DHRS3: variants seen among roughly 807,000 people sequenced by gnomAD.
The protein encoded by DHRS3 is dehydrogenase/reductase 3.
DHRS3 carries 14 observed loss-of-function variants against 27.2 expected under a neutral mutation model. The observed-to-expected ratio is 0.52, with a 90% confidence interval of 0.34 to 0.81. DHRS3 has a LOEUF of 0.81. DHRS3 is among the 30% of genes least tolerant of loss of function. The pLI is 0.01. For synonymous variants in DHRS3, 165 were observed against 175.9 expected (o/e 0.94, Z 0.49); for missense variants, 322 against 406.2 (o/e 0.79, Z 1.78).
chr1:12,569,223 T>TCACACACA (rs779404982), intron 5 of DHRS3, among the ~76,000 whole-genome samples: 2 of 120,182 alleles, frequency 1.7e-5, no homozygotes, highest in African/African-American at 7.7e-5. Context: ...GTCCCCTCTC[T>TCACACACA]CTCTCTCTCA....
chr1:12,602,866 C>T (rs749853542), intron 1 of DHRS3, among the ~76,000 whole-genome samples: 20 of 152,244 alleles, frequency 1.3e-4, no homozygotes, highest in Non-Finnish European at 2.5e-4. Flanking sequence ...GTGCTCTGGC[C>T]GGAGCCGGCC....
intron 1 of DHRS3, among the ~76,000 whole-genome samples, chr1:12,582,166 T>A (rs1646650162): frequency 6.6e-6 from 1 of 152,192 alleles, no homozygotes; most frequent in African/African-American, 2.4e-5. Flanking sequence ...TAGAGAAAAG[T>A]CACATTGATA....
rs552347372 is a variant in DHRS3 at position 12,610,346 on chromosome 1, C to T, written c.195+6808G>A. 2.6e-5 allele frequency among the ~76,000 whole-genome samples: 4 copies of T among 152,012 alleles called. No homozygotes were observed. In the South Asian group the frequency reaches 8.3e-4, roughly 32 times the overall value. On this transcript the variant is annotated intron_variant, in intron 1 of 5. Transcript: ENST00000616661. ...ACCTCAAGTGTTCCGCCTGCCTTAG[C>T]CTCCTAAAGTGCTGGGATTACAGGC...
At chr1:12,616,758 C>T (rs1049759457) in intron 1 of DHRS3, 8 of 1,023,440 alleles carry the variant, frequency 7.8e-6, no homozygotes, top group Non-Finnish European at 9.4e-6. Context: ...TAGCAGGCGG[C>T]TCCCAGCTCT....
intron 1 of DHRS3, among the ~76,000 whole-genome samples, chr1:12,588,812 G>A (rs968320021): frequency 1.3e-5 from 2 of 152,204 alleles, no homozygotes; most frequent in African/African-American, 2.4e-5. Context: ...GTGGTCTCTG[G>A]GTGCGTCCCA....
At chr1:12,585,040 T>C (rs1000305422) in intron 1 of DHRS3, among the ~76,000 whole-genome samples, 3 of 151,400 alleles carry the variant, frequency 2.0e-5, no homozygotes, top group Non-Finnish European at 4.4e-5. Flanking sequence ...TCTCTGTGTG[T>C]CTGAGTGTGT....
intron 1 of DHRS3, among the ~76,000 whole-genome samples, chr1:12,606,541 G>A (rs931136120): frequency 6.6e-6 from 1 of 152,084 alleles, no homozygotes; most frequent in African/African-American, 2.4e-5. Context: ...CCAGGCTGGA[G>A]TGCAATGACG....
intron 1 of DHRS3, among the ~76,000 whole-genome samples, chr1:12,582,592 C>T (rs1296146325): frequency 6.6e-6 from 1 of 152,110 alleles, no homozygotes; most frequent in African/African-American, 2.4e-5. Context: ...AGGTTCAGTT[C>T]ATGGAAAAGA....
chr1:12,611,901 A>G (rs552319284), intron 1 of DHRS3, among the ~76,000 whole-genome samples: 6 of 139,344 alleles, frequency 4.3e-5, no homozygotes, highest in African/African-American at 1.6e-4. Flanking sequence ...AGACTAACCT[A>G]AGCAACATAG....
chr1:12,615,160 CA>C (rs1646936273), intron 1 of DHRS3, among the ~76,000 whole-genome samples: 1 of 36,088 alleles, frequency 2.8e-5, no homozygotes, highest in Non-Finnish European at 6.2e-5. Flanking sequence ...AAAGTAGCTC[CA>C]GAAGCCTCAT....
intron 1 of DHRS3, among the ~76,000 whole-genome samples, chr1:12,612,363 T>C (rs1005495911): frequency 6.6e-6 from 1 of 152,160 alleles, no homozygotes; most frequent in African/African-American, 2.4e-5. Context: ...GAGTCTGAGG[T>C]GTAAACTCCC....
chr1:12,585,455 T>C (rs1646689233), intron 1 of DHRS3, among the ~76,000 whole-genome samples: 1 of 152,174 alleles, frequency 6.6e-6, no homozygotes, highest in Non-Finnish European at 1.5e-5. Context: ...AGGTCCTTGG[T>C]GGATGCTGGG....
At chr1:12,573,427 G>T (rs1046544717) in intron 4 of DHRS3, among the ~76,000 whole-genome samples, 6 of 152,206 alleles carry the variant, frequency 3.9e-5, no homozygotes, top group Non-Finnish European at 8.8e-5. Context: ...CCTTGTCAGT[G>T]GCCTGTCTCC....
chr1:12,614,526 AC>A (rs1334495095), intron 1 of DHRS3, among the ~76,000 whole-genome samples: 4 of 147,104 alleles, frequency 2.7e-5, no homozygotes, highest in Non-Finnish European at 6.1e-5. Context: ...AAAAAAAAAA[AC>A]CCTCGCTTAT....
At chr1:12,577,205 G>A (rs1646597079) in intron 4 of DHRS3, among the ~76,000 whole-genome samples, 1 of 152,064 alleles carries the variant, frequency 6.6e-6, no homozygotes, top group South Asian at 2.1e-4. Flanking sequence ...GTAATTCCCG[G>A]TTTTCATTCA....
intron 1 of DHRS3, among the ~76,000 whole-genome samples, chr1:12,615,414 A>T (rs1646938340): frequency 6.6e-6 from 1 of 152,168 alleles, no homozygotes; most frequent in African/African-American, 2.4e-5. Flanking sequence ...GTCCAGTCCA[A>T]GTTAGGTGGG....
rs1646759434 is a variant in DHRS3 at position 12,593,012 on chromosome 1, A to AG, written c.196-12347_196-12346insC. Among the ~76,000 whole-genome samples, 1 of 152,036 alleles carries AG rather than the reference A, an allele frequency of 6.6e-6. No individual in the cohort carries two copies. The highest frequency in any genetic ancestry group is 1.5e-5 in the Non-Finnish European group (1 of 68,000). The stretch of plus-strand genomic sequence containing the variant: ...CGCCCTTCACCTGGAGCACAAGTGG[A>AG]CCCCTCACCTGGTCCCAAAAGGTCA... On this transcript the variant is annotated intron_variant, in intron 1 of 5. Transcript: ENST00000616661. This position sits in a 1 kb window ranked among gnomAD's most constrained non-coding sequence, Gnocchi z 4.6.
chr1:12,612,241 G>T (rs961209103), intron 1 of DHRS3, among the ~76,000 whole-genome samples: 1 of 152,132 alleles, frequency 6.6e-6, no homozygotes, highest in African/African-American at 2.4e-5. Flanking sequence ...CCTGTAAATT[G>T]GTTAGTGCAG....
At chr1:12,579,041 G>A (rs762256569) in intron 3 of DHRS3, 85 bp from the exon 4 acceptor site, 7 of 1,332,404 alleles carry the variant, frequency 5.3e-6, no homozygotes, top group African/African-American at 4.3e-5. Context: ...AGCCCACCCC[G>A]GACACACATG....
Sources: gnomAD v4.1 joint callset for allele counts (sites outside exome capture counted in the v4.1 genomes callset) on GRCh38, gnomAD v4.1.1 for gene constraint, Gnocchi (gnomAD v3.1) non-coding constraint, MANE v1.5 for transcripts, NCBI Gene and HGNC (gene_info 2026-07-23, HGNC 2026-07-21) for gene names.